Variants in ABCA13 observed in about 807,000 individuals in gnomAD.
ABCA13 encodes ATP-binding cassette sub-family A member 13.
In ABCA13, 476 loss-of-function variants were observed where a neutral mutation model predicts 478.7. That is an observed-to-expected ratio of 0.99 (90% CI 0.92 to 1.07). The LOEUF (loss-of-function observed/expected upper bound fraction) is 1.07, where lower values mean the gene tolerates loss of function less well. Ranked by LOEUF, ABCA13 falls within the 50% of genes least tolerant of loss-of-function variation. The pLI, the probability that ABCA13 is intolerant of heterozygous loss-of-function variation, is 0.00. For synonymous variants in ABCA13, 2,252 were observed against 2,158.9 expected (o/e 1.04, Z -1.20); for missense variants, 6,060 against 5,910.6 (o/e 1.03, Z -0.83).
chr7:48,206,412 T>G (rs1256706909), intron 3 of ABCA13, among the ~76,000 whole-genome samples: 3 of 152,200 alleles, frequency 2.0e-5, no homozygotes, highest in Non-Finnish European at 4.4e-5. Flanking sequence ...TGGCTAGGTA[T>G]GTAGTAGGCT....
At chr7:48,615,198 C>A in intron 58 of ABCA13, 87 bp from the exon 59 acceptor site, 1 of 850,352 alleles carries the variant, frequency 1.2e-6, no homozygotes. Context: ...CTAATGGTAT[C>A]TTGTCTCCTT....
At chr7:48,194,037 T>G (rs1168517118) in intron 2 of ABCA13, among the ~76,000 whole-genome samples, 1 of 100,550 alleles carries the variant, frequency 9.9e-6, no homozygotes, top group Admixed American at 1.1e-4. Context: ...ACAGCAATAA[T>G]AATGATGATG....
intron 29 of ABCA13, among the ~76,000 whole-genome samples, chr7:48,350,292 A>G (rs979371999): frequency 3.3e-5 from 5 of 151,704 alleles, no homozygotes; most frequent in African/African-American, 9.7e-5. Flanking sequence ...TTTCCCCTGA[A>G]CTCTCTGTGA....
Position 48,438,983 on chromosome 7 carries a change from T to C in ABCA13, c.12565+11112T>C, listed in dbSNP as rs989373613. ...TCTTTCATCCAAACCCATTCCATGATTTCAAGTTACCCTTACTTTTTTAAT... is the reference window on the plus strand; with the variant it reads ...TCTTTCATCCAAACCCATTCCATGACTTCAAGTTACCCTTACTTTTTTAAT... On this transcript the variant is annotated intron_variant, in intron 42 of 61. Transcript: ENST00000435803. Among the ~76,000 whole-genome samples the C allele has an allele frequency of 1.3e-4, 20 of 152,140 alleles. No homozygotes were observed. In the South Asian group the frequency reaches 3.3e-3, roughly 25 times the overall value.
At chr7:48,616,714 T>G (rs1302937226) in intron 59 of ABCA13, among the ~76,000 whole-genome samples, 1 of 152,142 alleles carries the variant, frequency 6.6e-6, no homozygotes, top group Non-Finnish European at 1.5e-5. Flanking sequence ...ACATCAAACT[T>G]AATAAAATTT....
At chr7:48,187,047 A>G (rs1326166380) in intron 1 of ABCA13, among the ~76,000 whole-genome samples, 1 of 148,162 alleles carries the variant, frequency 6.7e-6, no homozygotes, top group Admixed American at 6.7e-5. Context: ...CAGTGTATAC[A>G]TATATATATC....
At chr7:48,230,749 GTCCATCCA>G (rs1012585477) in intron 7 of ABCA13, among the ~76,000 whole-genome samples, 4 of 148,930 alleles carry the variant, frequency 2.7e-5, no homozygotes, top group African/African-American at 9.8e-5. Flanking sequence ...CCATCCATCC[GTCCATCCA>G]TCCATCCATC....
chr7:48,417,501 C>T (rs2060329), intron 41 of ABCA13, among the ~76,000 whole-genome samples: 99,178 of 151,790 alleles, frequency 0.65, 32,624 homozygotes, highest in South Asian at 0.78. Flanking sequence ...ACTGGAACCA[C>T]ATTTATTCAT....
intron 3 of ABCA13, among the ~76,000 whole-genome samples, chr7:48,210,827 G>C (rs1348696505): frequency 6.6e-6 from 1 of 152,086 alleles, no homozygotes; most frequent in Non-Finnish European, 1.5e-5. Context: ...CTGTTGGATG[G>C]AATGTTCTGT....
chr7:48,374,057 C>T (rs1393722365), intron 33 of ABCA13, among the ~76,000 whole-genome samples: 1 of 152,114 alleles, frequency 6.6e-6, no homozygotes. Context: ...TTTTGTGTTA[C>T]ACATTTCTGT....
chr7:48,544,354 A>G (rs1784624445), intron 55 of ABCA13, among the ~76,000 whole-genome samples: 1 of 151,892 alleles, frequency 6.6e-6, no homozygotes, highest in Admixed American at 6.6e-5. Context: ...TGGCGCTGGC[A>G]GCCTCTAGGT....
At chr7:48,390,362 T>C (rs1439603601) in intron 37 of ABCA13, among the ~76,000 whole-genome samples, 1 of 151,800 alleles carries the variant, frequency 6.6e-6, no homozygotes, top group Admixed American at 6.6e-5. Context: ...GACGGGGGGG[T>C]CTTCACTATT....
rs1256465610 is a variant in ABCA13 at position 48,274,978 on chromosome 7, A to T, written c.5312A>T (p.Asp1771Val). Residue 1771 changes from aspartate (D) to valine (V), a missense_variant, in exon 17 of 62, where the codon GAT becomes GTT. Transcript: ENST00000435803. ...AAAAACATCACTGAAGGCCTCAAGG[A>T]TGTCTACAGCTTCACACTCCTTCAT... is the stretch of plus-strand genomic sequence containing the variant. ...PGKNITEGLK[D>V]VYSFTLLHGI... 6.2e-7 allele frequency: 1 copy of T among 1,613,912 alleles called. No individual in the cohort carries two copies. The highest frequency in any genetic ancestry group is 2.2e-5 in the East Asian group (1 of 44,878).
intron 7 of ABCA13, among the ~76,000 whole-genome samples, chr7:48,232,705 C>T (rs1401485894): frequency 6.6e-6 from 1 of 152,174 alleles, no homozygotes; most frequent in East Asian, 1.9e-4. Flanking sequence ...TTGTCTTTCA[C>T]TTTTTGAGAA....
chr7:48,627,152 C>A, intron 59 of ABCA13: 1 of 693,598 alleles, frequency 1.4e-6, no homozygotes, highest in Non-Finnish European at 1.8e-6. Flanking sequence ...TTATTGTACC[C>A]ACTTCACAAT....
Position 48,580,389 on chromosome 7 carries a change from G to A in ABCA13, c.14505+15G>A, listed in dbSNP as rs1788600256. The A allele has an allele frequency of 2.5e-6, 4 of 1,606,164 alleles. No individual in the cohort carries two copies. Among genetic ancestry groups the A allele is most frequent in the Non-Finnish European group, 3.4e-6 (4 of 1,176,204 alleles). ...GCATCCCTGAGGTAAATCTCCCTGGGGTCTTCTAGATAAAGGGACCCATTG... is the reference window on the plus strand; with the variant it reads ...GCATCCCTGAGGTAAATCTCCCTGGAGTCTTCTAGATAAAGGGACCCATTG... On this transcript the variant is annotated intron_variant, in intron 56 of 61. Transcript: ENST00000435803.
chr7:48,235,048 C>G (rs546173017), intron 8 of ABCA13, among the ~76,000 whole-genome samples: 9 of 152,292 alleles, frequency 5.9e-5, no homozygotes, highest in African/African-American at 2.2e-4. Context: ...GACTCTGGAT[C>G]TGTGCTCTCA....
rs1303468745 is a variant in ABCA13 at position 48,483,056 on chromosome 7, A to G, written c.13095-20A>G. The G allele has an allele frequency of 1.2e-6, 2 of 1,600,794 alleles. No individual in the cohort carries two copies. The highest frequency in any genetic ancestry group is 1.7e-5 in the Admixed American group (1 of 58,322). On this transcript the variant is annotated intron_variant, in intron 46 of 61. Transcript: ENST00000435803. ...GGTGCTCTGTGGTTGAAGCACTAACACAATGTTCATTGTTAACAGGCTTGG... is the reference window on the plus strand; with the variant it reads ...GGTGCTCTGTGGTTGAAGCACTAACGCAATGTTCATTGTTAACAGGCTTGG...
chr7:48,644,689 A>G lies in ABCA13; in HGVS notation c.15016A>G (p.Ile5006Val), dbSNP rs771455145. 1.2e-6 allele frequency: 2 copies of G among 1,610,308 alleles called. No individual in the cohort carries two copies. The highest frequency in any genetic ancestry group is 1.7e-6 in the Non-Finnish European group (2 of 1,179,288). ...WGCLADLFKV[I>V]ENNKTFLNIK... is the part of the protein sequence containing the mutation. ...ATGCCTAGCTGACTTGTTCAAAGTT[A>G]TAGAGAACAATAAAACCTTCTTGAA... Residue 5006 changes from isoleucine to valine, a missense_variant, in exon 61 of 62, where the codon ATA (isoleucine) becomes GTA (valine). Ile to Val is a conservative substitution (Grantham distance 29). Transcript: ENST00000435803.
Sources: gnomAD v4.1 joint callset for allele counts (sites outside exome capture counted in the v4.1 genomes callset) on GRCh38, gnomAD v4.1.1 for gene constraint, MANE v1.5 for transcripts, NCBI Gene and HGNC (gene_info 2026-07-23, HGNC 2026-07-21) for gene names.